The following SNTG1 variants were observed in gnomAD, a reference collection of about 807,000 sequenced individuals.
The protein encoded by SNTG1 is gamma-1-syntrophin.
In SNTG1, 39 loss-of-function variants were observed where a neutral mutation model predicts 74.7. That is an observed-to-expected ratio of 0.52 (90% CI 0.40 to 0.68). The LOEUF (loss-of-function observed/expected upper bound fraction) is 0.68, where lower values mean the gene tolerates loss of function less well. SNTG1 is among the 30% of genes least tolerant of loss of function. The pLI is 0.00. For missense variants in SNTG1, 685 were observed against 609.5 expected, an observed-to-expected ratio of 1.12 and a Z score of -1.30; for synonymous variants, 254 against 217.1, an observed-to-expected ratio of 1.17 and a Z score of -1.49.
chr8:50,538,896 G>A (rs914439167), intron 11 of SNTG1, among the ~76,000 whole-genome samples: 1 of 151,992 alleles, frequency 6.6e-6, no homozygotes, highest in Non-Finnish European at 1.5e-5. Context: ...TAAACAGATT[G>A]GGAAAAGTTT....
At chr8:50,564,851 T>A (rs2094507157) in intron 12 of SNTG1, among the ~76,000 whole-genome samples, 10 of 152,138 alleles carry the variant, frequency 6.6e-5, no homozygotes, top group Admixed American at 5.2e-4. Flanking sequence ...TATGCTATTA[T>A]TAAAAATGTC....
At chr8:50,420,436 C>T (rs184876880) in intron 4 of SNTG1, among the ~76,000 whole-genome samples, 4 of 151,958 alleles carry the variant, frequency 2.6e-5, no homozygotes, top group Admixed American at 2.6e-4. Flanking sequence ...AACACATCCT[C>T]CAGGAATCAA....
intron 1 of SNTG1, among the ~76,000 whole-genome samples, chr8:50,123,373 A>T (rs990976244): frequency 7.0e-6 from 1 of 142,502 alleles, no homozygotes; most frequent in Non-Finnish European, 1.6e-5. Context: ...AATACTGCAC[A>T]GGTCTTATGT....
At chr8:49,973,903 A>G (rs1585726915) in intron 1 of SNTG1, among the ~76,000 whole-genome samples, 2 of 152,328 alleles carry the variant, frequency 1.3e-5, no homozygotes, top group Middle Eastern at 6.8e-3. Flanking sequence ...TTTTCATTCA[A>G]ATTAAGTAAT....
intron 1 of SNTG1, among the ~76,000 whole-genome samples, chr8:50,008,365 T>G (rs1360492831): frequency 6.6e-6 from 1 of 152,194 alleles, no homozygotes; most frequent in Non-Finnish European, 1.5e-5. Context: ...TACACATTTC[T>G]TAGTGCAGTG....
intron 2 of SNTG1, among the ~76,000 whole-genome samples, chr8:50,207,407 GGATA>G (rs1454659646): frequency 6.6e-6 from 1 of 151,810 alleles, no homozygotes; most frequent in East Asian, 1.9e-4. Context: ...GGATTGGAGG[GGATA>G]TCCCCTTTAT....
At chr8:50,708,474 A>C in intron 16 of SNTG1, 1 of 161,804 alleles carries the variant, frequency 6.2e-6, no homozygotes, top group Admixed American at 6.3e-5. Flanking sequence ...TGAGAATTCA[A>C]GACAGTGCTA....
intron 4 of SNTG1, among the ~76,000 whole-genome samples, chr8:50,431,078 C>T (rs1289490376): frequency 6.6e-6 from 1 of 152,170 alleles, no homozygotes; most frequent in African/African-American, 2.4e-5. Flanking sequence ...GAGGTTGTAA[C>T]ATACATTCGT....
chr8:50,548,825 G>C (rs1453691709), intron 11 of SNTG1, among the ~76,000 whole-genome samples: 2 of 152,202 alleles, frequency 1.3e-5, no homozygotes, highest in Non-Finnish European at 1.5e-5. Flanking sequence ...TTGACAGGTA[G>C]AAATAATACA....
At chr8:50,337,951 AC>A (rs2091198580) in intron 2 of SNTG1, among the ~76,000 whole-genome samples, 1 of 152,036 alleles carries the variant, frequency 6.6e-6, no homozygotes, top group African/African-American at 2.4e-5. Flanking sequence ...CCTAGCTAAC[AC>A]GGTGAAACCC....
chr8:50,088,323 C>A (rs1012896443), intron 1 of SNTG1, among the ~76,000 whole-genome samples: 1 of 143,884 alleles, frequency 7.0e-6, no homozygotes, highest in South Asian at 2.3e-4. Context: ...AAACTGGAAG[C>A]ATTCCCTTTG....
chr8:50,703,179 AT>A (rs2095431945), intron 15 of SNTG1, among the ~76,000 whole-genome samples: 1 of 152,176 alleles, frequency 6.6e-6, no homozygotes, highest in African/African-American at 2.4e-5. Flanking sequence ...TACAAAGTTA[AT>A]TTTTTCAACT....
chr8:50,781,111 G>C (rs2095658127), intron 18 of SNTG1, among the ~76,000 whole-genome samples: 1 of 152,160 alleles, frequency 6.6e-6, no homozygotes, highest in East Asian at 1.9e-4. Flanking sequence ...GCTGAGGAGA[G>C]CTTTACTTCC....
At chr8:50,280,930 G>A (rs1361670211) in intron 2 of SNTG1, among the ~76,000 whole-genome samples, 2 of 146,964 alleles carry the variant, frequency 1.4e-5, no homozygotes, top group African/African-American at 5.0e-5. Flanking sequence ...GAGGCGGGTG[G>A]ATCATGAGGT....
intron 4 of SNTG1, among the ~76,000 whole-genome samples, chr8:50,408,238 G>T (rs1447578337): frequency 2.6e-5 from 4 of 151,144 alleles, no homozygotes; most frequent in African/African-American, 9.7e-5. Context: ...TTTGGGAAGC[G>T]ACTATTATCA....
chr8:50,454,428 C>T (rs769271811), intron 8 of SNTG1, among the ~76,000 whole-genome samples: 13 of 152,116 alleles, frequency 8.5e-5, no homozygotes, highest in African/African-American at 1.4e-4. Flanking sequence ...ACCCGGGAGG[C>T]GGAGATTGCA....
intron 5 of SNTG1, among the ~76,000 whole-genome samples, chr8:50,443,530 T>G (rs2131591414): frequency 6.6e-6 from 1 of 152,284 alleles, no homozygotes; most frequent in South Asian, 2.1e-4. Flanking sequence ...TATGCCCCAC[T>G]TATTAAGTGC....
chr8:50,278,027 G>A (rs35583064), intron 2 of SNTG1, among the ~76,000 whole-genome samples: 60,852 of 151,816 alleles, frequency 0.4, 15,203 homozygotes, highest in East Asian at 0.69. Context: ...ACAAAAATTA[G>A]CCATGCTTGG....
intron 1 of SNTG1, among the ~76,000 whole-genome samples, chr8:50,060,754 C>A (rs899580319): frequency 6.6e-6 from 1 of 152,042 alleles, no homozygotes; most frequent in Non-Finnish European, 1.5e-5. Context: ...TGCCTGGAGT[C>A]TACCCTACCC....
Sources: allele counts gnomAD v4.1 joint callset (sites outside exome capture counted in the v4.1 genomes callset), GRCh38; gene constraint gnomAD v4.1.1; transcripts MANE v1.5; gene names NCBI Gene and HGNC (gene_info 2026-07-23, HGNC 2026-07-21).